The following LTN1 variants were observed in gnomAD, a reference collection of about 807,000 sequenced individuals.
The protein encoded by LTN1 is listerin E3 ubiquitin protein ligase 1.
LTN1 carries 88 observed loss-of-function variants against 201.2 expected under a neutral mutation model. The observed-to-expected ratio is 0.44, with a 90% CI of 0.37 to 0.52. LTN1 has a LOEUF of 0.52. Ranked by LOEUF, LTN1 falls within the 20% of genes least tolerant of loss-of-function variation. LTN1 has a pLI of 0.00. For synonymous variants in LTN1, 645 were observed against 713.5 expected, an observed-to-expected ratio of 0.90 and a Z score of 1.53; for missense variants, 1,752 against 2,038.7, an observed-to-expected ratio of 0.86 and a Z score of 2.71.
intron 11 of LTN1, among the ~76,000 whole-genome samples, chr21:28,963,691 T>C (rs559005822): frequency 1.2e-4 from 19 of 152,342 alleles, no homozygotes; most frequent in Admixed American, 1.2e-3. Flanking sequence ...TACATTTCAT[T>C]AAGCTATAGC....
In LTN1 at chr21:28,966,810, C is replaced by G; in HGVS notation, c.1681G>C (p.Glu561Gln). The stretch of plus-strand genomic sequence containing the variant: ...GTTAATTCCCAGCCTTCAATCTTCT[C>G]TCCTTCTGAAGATACACATTTTTCA... ...ENEKCVSSEGEKIEGWELTTE... is the reference protein window; with the variant it reads ...ENEKCVSSEGQKIEGWELTTE... Residue 561 changes from glutamate (E) to glutamine (Q), a missense_variant, in exon 10 of 30, where the codon GAG (glutamate) becomes CAG (glutamine). This residue lies in a region of LTN1 where 1,211 missense variants were observed against 1,312.8 expected (regional missense o/e 0.92). Coordinates refer to ENST00000361371, the MANE Select transcript of LTN1 (RefSeq NM_015565.3). 6.2e-7 allele frequency: 1 copy of G among 1,613,046 alleles called. No homozygotes were observed. Among genetic ancestry groups the G allele is most frequent in the Non-Finnish European group, 8.5e-7 (1 of 1,179,702 alleles).
chr21:28,973,562 A>G (rs2084592559), intron 6 of LTN1, among the ~76,000 whole-genome samples: 1 of 152,112 alleles, frequency 6.6e-6, no homozygotes, highest in Non-Finnish European at 1.5e-5. Flanking sequence ...AAGACATGAC[A>G]TTTATAAAGA....
At position 28,953,341 on chromosome 21, in the gene LTN1, C is replaced by T. The variant is rs2084398838; in HGVS notation, c.3115G>A (p.Glu1039Lys). The change falls in exon 17 of 30, where the codon GAA (glutamate) becomes AAA (lysine). Residue 1039 changes from glutamate (E) to lysine (K), a missense_variant. Transcript: ENST00000361371. ...ELLYSLQWCE[E>K]LDNPPIFLIG... The stretch of plus-strand genomic sequence containing the variant: ...AGAAAAATAGGTGGGTTATCTAATT[C>T]TTCACACCACTGCAGTGAATAAAGC... 6.2e-7 allele frequency: 1 copy of T among 1,603,156 alleles called. No homozygotes were observed. The highest frequency in any genetic ancestry group is 1.1e-5 in the South Asian group (1 of 88,926).
intron 10 of LTN1, 120 bp from the exon 11 acceptor site, chr21:28,966,026 G>T: frequency 1.5e-6 from 1 of 666,926 alleles, no homozygotes; most frequent in Non-Finnish European, 2.6e-6. Context: ...TCTCACCTCA[G>T]CCTCCTGAGT....
At chr21:28,984,339 GTA>G (rs148605029) in intron 4 of LTN1, among the ~76,000 whole-genome samples, 2,554 of 149,548 alleles carry the variant, frequency 0.017, 187 homozygotes, top group Admixed American at 0.12. Context: ...AGTTAGATCT[GTA>G]TATATATATA....
intron 25 of LTN1, among the ~76,000 whole-genome samples, chr21:28,938,849 G>C (rs2084276039): frequency 6.6e-6 from 1 of 152,136 alleles, no homozygotes; most frequent in Admixed American, 6.5e-5. Context: ...GAAATGTCCA[G>C]AACAGGCAGA....
chr21:28,947,863 C>T (rs1456022652), intron 18 of LTN1, among the ~76,000 whole-genome samples: 1 of 150,018 alleles, frequency 6.7e-6, no homozygotes, highest in Non-Finnish European at 1.5e-5. Context: ...TAAAATTATA[C>T]TAGCCACATG....
chr21:28,973,346 CAAAAA>C (rs771261669), intron 6 of LTN1, among the ~76,000 whole-genome samples: 2,813 of 61,798 alleles, frequency 0.046, 103 homozygotes, highest in African/African-American at 0.15. Context: ...GAATCCGTCC[CAAAAA>C]AAAAAAAAAA....
intron 6 of LTN1, among the ~76,000 whole-genome samples, chr21:28,977,265 T>G (rs1028630883): frequency 8.0e-5 from 12 of 150,938 alleles, no homozygotes; most frequent in Non-Finnish European, 1.5e-5. Flanking sequence ...TCCCAGCTAC[T>G]CGAGAGGCTG....
In LTN1 at chr21:28,992,782, T is replaced by C. The variant is rs1330917301; in HGVS notation, c.24A>G (p.Arg8=). ...CGCTCACCCTCAGGTTCCCTTTAGTTCGCTGCTTGTTCTTCCCGCCCATGG... is the reference window on the plus strand; with the variant it reads ...CGCTCACCCTCAGGTTCCCTTTAGTCCGCTGCTTGTTCTTCCCGCCCATGG... MGGKNKQ[R]TKGNLRPSNS... Residue 8 remains arginine (R), a synonymous_variant, in exon 1 of 30, where the codon CGA becomes CGG. Transcript: ENST00000361371. The C allele has an allele frequency of 6.2e-7, 1 of 1,614,216 alleles. No individual in the cohort carries two copies.
chr21:28,972,838 A>C (rs1369678019), intron 6 of LTN1, among the ~76,000 whole-genome samples: 1 of 152,228 alleles, frequency 6.6e-6, no homozygotes, highest in East Asian at 1.9e-4. Context: ...AGCAGGATAC[A>C]TAAAGGAAAT....
Position 28,953,199 on chromosome 21 carries a change from A to G in LTN1, c.3239+18T>C, listed in dbSNP as rs777864787. The G allele has an allele frequency of 1.3e-6, 2 of 1,527,816 alleles. No homozygotes were observed. The highest frequency in any genetic ancestry group is 2.4e-5 in the Admixed American group (1 of 42,268). The allele number at this position is 1,527,816 out of a possible 1,614,324, so 94.6% of individuals were successfully genotyped here. On this transcript the variant is annotated intron_variant, in intron 17 of 29. Transcript: ENST00000361371. ...AGTAGCATAGTCATTTTAAAAACAA[A>G]TTGAAAGAGATTCTTACCTGTTAAA...
intron 1 of LTN1, among the ~76,000 whole-genome samples, chr21:28,989,735 T>A (rs1477855047): frequency 6.6e-6 from 1 of 152,158 alleles, no homozygotes; most frequent in Non-Finnish European, 1.5e-5. Context: ...AGGCAGGGCA[T>A]GGTGGCTCAC....
intron 1 of LTN1, among the ~76,000 whole-genome samples, chr21:28,991,461 C>T (rs553298116): frequency 1.3e-5 from 2 of 152,204 alleles, no homozygotes; most frequent in South Asian, 4.1e-4. Flanking sequence ...AAGATACATG[C>T]TGATGTATTT....
chr21:28,982,375 AG>A lies in LTN1; in HGVS notation c.577-8del, dbSNP rs2084665950. 6.2e-7 allele frequency: 1 copy of A among 1,611,736 alleles called. No homozygotes were observed. The highest frequency in any genetic ancestry group is 8.5e-7 in the Non-Finnish European group (1 of 1,177,886). Reference sequence around the variant, plus strand: ...TAAGATGATCCTGCAGCACCTACAAAGGGGGGAAATACCAAAGCCTTTGGTT... The same window carrying A: ...TAAGATGATCCTGCAGCACCTACAAAGGGGGAAATACCAAAGCCTTTGGTT... On this transcript the variant is annotated splice_polypyrimidine_tract_variant and splice_region_variant and intron_variant, in intron 4 of 29. Transcript: ENST00000361371.
Position 28,988,858 on chromosome 21 carries a change from G to A in LTN1, c.43-1924C>T, listed in dbSNP as rs1476775077. ...CACATGCCTTTAATCCCAGCTACTT[G>A]GGAGGCTGAGGCAGGAGAATTGCTT... On this transcript the variant is annotated intron_variant, in intron 1 of 29. Transcript: ENST00000361371. 4.6e-5 allele frequency among the ~76,000 whole-genome samples: 7 copies of A among 151,866 alleles called. 1 individual carries two copies. The East Asian group carries it at 1.4e-3, about 29-fold the overall frequency.
Position 28,986,710 on chromosome 21 carries a change from T to A in LTN1, c.246+21A>T. On this transcript the variant is annotated intron_variant, in intron 2 of 29. Transcript: ENST00000361371. This position sits in a 1 kb window ranked among gnomAD's most constrained non-coding sequence, Gnocchi z 4.1. Reference sequence around the variant, plus strand: ...ACAAAGGGATTTTCTTGATAATTTTTATGAAAACAAGAAAACTTGCTTTTA... The same window carrying A: ...ACAAAGGGATTTTCTTGATAATTTTAATGAAAACAAGAAAACTTGCTTTTA... 6.4e-7 allele frequency: 1 copy of A among 1,570,432 alleles called. No homozygotes were observed. The highest frequency in any genetic ancestry group is 8.7e-7 in the Non-Finnish European group (1 of 1,146,190).
intron 13 of LTN1, among the ~76,000 whole-genome samples, chr21:28,958,939 G>GA (rs955336661): frequency 6.6e-5 from 10 of 151,308 alleles, no homozygotes; most frequent in African/African-American, 2.4e-4. Flanking sequence ...AAGAAGGAAA[G>GA]AAAAAAAGAA....
chr21:28,938,302 G>C (rs960785808), intron 25 of LTN1, among the ~76,000 whole-genome samples: 1 of 152,060 alleles, frequency 6.6e-6, no homozygotes, highest in Non-Finnish European at 1.5e-5. Flanking sequence ...AATACTTTTG[G>C]TAAAGCATCA....
Sources: gnomAD v4.1 joint callset for allele counts (sites outside exome capture counted in the v4.1 genomes callset) on GRCh38, gnomAD v4.1.1 for gene constraint, gnomAD v4.1.1 regional missense constraint, Gnocchi (gnomAD v3.1) non-coding constraint, MANE v1.5 for transcripts, NCBI Gene and HGNC (gene_info 2026-07-23, HGNC 2026-07-21) for gene names.